Variants in STPG2 observed in about 807,000 individuals in gnomAD.
STPG2 encodes the protein sperm tail PG-rich repeat containing 2.
STPG2 carries 56 observed loss-of-function variants against 54.2 expected under a neutral mutation model. The observed-to-expected ratio is 1.03, with a 90% CI of 0.83 to 1.29. The LOEUF is 1.29. STPG2 is among the 50% of genes most tolerant of loss of function. The pLI is 0.00. For missense variants in STPG2, 596 were observed against 544.9 expected (o/e 1.09, Z -0.93); for synonymous variants, 200 against 181.8 (o/e 1.10, Z -0.81).
intron 10 of STPG2, among the ~76,000 whole-genome samples, chr4:97,583,140 A>G (rs182134436): frequency 9.9e-5 from 15 of 152,142 alleles, no homozygotes; most frequent in Non-Finnish European, 1.6e-4. Context: ...CCAAGACTGC[A>G]AACAGACTTA....
At chr4:97,884,943 A>C (rs76824080) in intron 8 of STPG2, among the ~76,000 whole-genome samples, 2,574 of 152,214 alleles carry the variant, frequency 0.017, 75 homozygotes, top group African/African-American at 0.058. Context: ...ACACAAAGAT[A>C]TTATGAAACA....
At chr4:97,599,171 C>T (rs1733386884) in intron 10 of STPG2, among the ~76,000 whole-genome samples, 2 of 152,218 alleles carry the variant, frequency 1.3e-5, no homozygotes, top group Non-Finnish European at 2.9e-5. Context: ...CAGCACTGAT[C>T]GTTAGAGAAA....
At chr4:97,472,947 T>C (rs891388951) in intron 4 of STPG2, among the ~76,000 whole-genome samples, 6 of 152,238 alleles carry the variant, frequency 3.9e-5, no homozygotes, top group Non-Finnish European at 7.3e-5. Context: ...TAATTGCTTA[T>C]GCCTGTCTTT....
At chr4:97,707,195 A>G (rs1723972851) in intron 10 of STPG2, among the ~76,000 whole-genome samples, 1 of 152,170 alleles carries the variant, frequency 6.6e-6, no homozygotes, top group African/African-American at 2.4e-5. Flanking sequence ...CCATGTGGAA[A>G]TGATAAGTAA....
chr4:97,935,018 C>T (rs537498345), intron 8 of STPG2, among the ~76,000 whole-genome samples: 2 of 152,142 alleles, frequency 1.3e-5, no homozygotes, highest in South Asian at 4.2e-4. Flanking sequence ...CTATTTATTA[C>T]TGCCTCAATT....
intron 4 of STPG2, among the ~76,000 whole-genome samples, chr4:97,497,871 C>A (rs935919276): frequency 2.6e-5 from 4 of 151,708 alleles, no homozygotes; most frequent in African/African-American, 7.3e-5. Context: ...TTCTCATTAT[C>A]CCTAGGTTTT....
Position 98,143,213 on chromosome 4 carries a change from G to T in STPG2, c.-63C>A. Reference sequence around the variant, plus strand: ...TGCCGAAAACGATAAAAACAAGGTAGCTAGAAGTGTGGAGAAAAAGGAAGC... The same window carrying T: ...TGCCGAAAACGATAAAAACAAGGTATCTAGAAGTGTGGAGAAAAAGGAAGC... On this transcript the variant is annotated 5_prime_UTR_variant, in exon 1 of 11. Coordinates refer to ENST00000295268, the MANE Select transcript of STPG2 (RefSeq NM_174952.3). 1 of 1,315,452 alleles carries T rather than the reference G, an allele frequency of 7.6e-7. No homozygotes were observed. The highest frequency in any genetic ancestry group is 1.1e-6 in the Non-Finnish European group (1 of 936,878). The allele number at this position is 1,315,452 out of a possible 1,614,324, so 81.5% of individuals were successfully genotyped here.
At chr4:97,522,692 GAC>G (rs1315346716) in intron 4 of STPG2, among the ~76,000 whole-genome samples, 1 of 151,966 alleles carries the variant, frequency 6.6e-6, no homozygotes. Flanking sequence ...GATTTAAGCA[GAC>G]ACACAGAGAT....
intron 4 of STPG2, among the ~76,000 whole-genome samples, chr4:97,538,838 G>T (rs1282119051): frequency 6.6e-6 from 1 of 152,210 alleles, no homozygotes. Context: ...ACTAACAGCT[G>T]ATCTCTCAGC....
intron 9 of STPG2, among the ~76,000 whole-genome samples, chr4:97,775,907 A>C (rs1296671440): frequency 3.9e-5 from 6 of 152,026 alleles, no homozygotes; most frequent in African/African-American, 1.4e-4. Context: ...GATTACAGGT[A>C]TGCACCACCA....
chr4:97,934,984 A>G (rs976372216), intron 8 of STPG2, among the ~76,000 whole-genome samples: 1 of 152,074 alleles, frequency 6.6e-6, no homozygotes, highest in African/African-American at 2.4e-5. Context: ...TTCATCTGAT[A>G]CTGGGCGTTT....
chr4:98,038,062 A>T (rs1736828300), intron 5 of STPG2, among the ~76,000 whole-genome samples: 1 of 152,008 alleles, frequency 6.6e-6, no homozygotes, highest in South Asian at 2.1e-4. Flanking sequence ...TTCTTTTAAG[A>T]CAGGGTCTTG....
At chr4:97,970,705 C>T (rs1734294790) in intron 7 of STPG2, among the ~76,000 whole-genome samples, 1 of 152,148 alleles carries the variant, frequency 6.6e-6, no homozygotes, top group African/African-American at 2.4e-5. Context: ...ACCATAAAAT[C>T]CCTAGAAGAA....
intron 10 of STPG2, among the ~76,000 whole-genome samples, chr4:97,580,048 A>G (rs1356534103): frequency 6.6e-6 from 1 of 152,014 alleles, no homozygotes; most frequent in Non-Finnish European, 1.5e-5. Flanking sequence ...TGGTAAATAT[A>G]TTAACTTTTT....
chr4:97,637,668 C>G lies in STPG2; in HGVS notation c.1320+75031G>C, dbSNP rs567011751. ...AGTCTCAGGATACAAAATCAATGTG[C>G]AAAAATCACAAGCATTCCTATACAC... is the stretch of plus-strand genomic sequence containing the variant. On this transcript the variant is annotated intron_variant, in intron 10 of 10. Coordinates refer to ENST00000295268, the MANE Select transcript of STPG2 (RefSeq NM_174952.3). Among the ~76,000 whole-genome samples, 628 of 152,238 alleles carry G rather than the reference C, an allele frequency of 4.1e-3. 3 individuals carry two copies. The highest frequency in any genetic ancestry group is 0.02 in the South Asian group (98 of 4,820).
intron 10 of STPG2, among the ~76,000 whole-genome samples, chr4:97,638,811 G>C (rs1270748960): frequency 2.1e-5 from 3 of 145,834 alleles, no homozygotes; most frequent in Non-Finnish European, 4.5e-5. Flanking sequence ...TCTCACACCA[G>C]TTAGAATGGC....
intron 4 of STPG2, among the ~76,000 whole-genome samples, chr4:97,543,230 A>T (rs1731760222): frequency 6.6e-6 from 1 of 151,624 alleles, no homozygotes; most frequent in East Asian, 1.9e-4. Flanking sequence ...CCTGGAAAAG[A>T]AATTTCGTTT....
chr4:98,020,119 GT>G (rs1736124531), intron 5 of STPG2, among the ~76,000 whole-genome samples: 2 of 128,400 alleles, frequency 1.6e-5, no homozygotes, highest in Admixed American at 1.5e-4. Context: ...AATGCTTCCA[GT>G]TTTTGCCCAT....
chr4:97,472,744 C>T (rs139890740), intron 4 of STPG2, among the ~76,000 whole-genome samples: 58 of 152,154 alleles, frequency 3.8e-4, no homozygotes, highest in African/African-American at 1.1e-3. Context: ...AGAAGTCAAA[C>T]GGAAAGGCTA....
Sources: allele counts gnomAD v4.1 joint callset (sites outside exome capture counted in the v4.1 genomes callset), GRCh38; gene constraint gnomAD v4.1.1; transcripts MANE v1.5; gene names NCBI Gene and HGNC (gene_info 2026-07-23, HGNC 2026-07-21).